The following RASGRF2 variants were observed in gnomAD, a reference collection of about 807,000 sequenced individuals.
The protein encoded by RASGRF2 is ras-specific guanine nucleotide-releasing factor 2.
In RASGRF2, 76 loss-of-function variants were observed where a neutral mutation model predicts 151.0. That is an observed-to-expected ratio of 0.50 (90% CI 0.42 to 0.61). The LOEUF is 0.61. Among genes scored for constraint, RASGRF2 ranks in the 20% least tolerant of loss-of-function variants. The pLI is 0.00. For synonymous variants in RASGRF2, 504 were observed against 566.5 expected (o/e 0.89, Z 1.57); for missense variants, 1,148 against 1,564.6 (o/e 0.73, Z 4.49).
intron 17 of RASGRF2, among the ~76,000 whole-genome samples, chr5:81,136,205 C>T (rs1335886092): frequency 6.6e-6 from 1 of 152,046 alleles, no homozygotes; most frequent in African/African-American, 2.4e-5. Flanking sequence ...AAAAGATTTT[C>T]CTTTATCTTC....
Position 80,984,453 on chromosome 5 carries a change from A to G in RASGRF2, c.288+23427A>G, listed in dbSNP as rs181086114. 5.2e-4 allele frequency among the ~76,000 whole-genome samples: 79 copies of G among 152,338 alleles called. 1 individual carries two copies. The highest frequency in any genetic ancestry group is 3.4e-3 in the Middle Eastern group (1 of 294). Reference sequence around the variant, plus strand: ...TGACACCTAAGCTATAATTTAATTGATGTAAACTCTTACTTTTAAATAAAG... The same window carrying G: ...TGACACCTAAGCTATAATTTAATTGGTGTAAACTCTTACTTTTAAATAAAG... On this transcript the variant is annotated intron_variant, in intron 1 of 26. Transcript: ENST00000265080.
chr5:81,110,069 C>T (rs1346305881), intron 13 of RASGRF2, among the ~76,000 whole-genome samples: 1 of 152,042 alleles, frequency 6.6e-6, no homozygotes, highest in Admixed American at 6.6e-5. Context: ...TCTATTCTTC[C>T]CTGAAGTTTG....
intron 17 of RASGRF2, among the ~76,000 whole-genome samples, chr5:81,138,854 C>G (rs1388107830): frequency 6.6e-6 from 1 of 151,986 alleles, no homozygotes; most frequent in Non-Finnish European, 1.5e-5. Flanking sequence ...GATTTTCAGG[C>G]TATTTCATTC....
At chr5:80,988,518 T>C (rs771527930) in intron 1 of RASGRF2, among the ~76,000 whole-genome samples, 3 of 152,192 alleles carry the variant, frequency 2.0e-5, no homozygotes, top group Non-Finnish European at 2.9e-5. Context: ...AATTGATGTA[T>C]ATAGTCCAGG....
rs1323253055 is a variant in RASGRF2 at position 81,134,105 on chromosome 5, TGTGTGA to T, written c.2686+6946_2686+6951del. Among the ~76,000 whole-genome samples, 53 of 151,562 alleles carry T rather than the reference TGTGTGA, an allele frequency of 3.5e-4. No individual in the cohort carries two copies. In the East Asian group the frequency reaches 7.8e-3, roughly 22 times the overall value. The stretch of plus-strand genomic sequence containing the variant: ...GTGTGTGTGTGTGTGTGTGTGTGTG[TGTGTGA>T]GTGAATATTTTACTGAGGTAATGTC... On this transcript the variant is annotated intron_variant, in intron 17 of 26. Coordinates refer to ENST00000265080, the MANE Select transcript of RASGRF2 (RefSeq NM_006909.3).
intron 13 of RASGRF2, 43 bp from the exon 14 acceptor site, chr5:81,112,567 C>T: frequency 6.2e-7 from 1 of 1,609,502 alleles, no homozygotes; most frequent in Non-Finnish European, 8.5e-7. Flanking sequence ...GAGGGGGAAG[C>T]CTCCTCCTGG....
intron 1 of RASGRF2, among the ~76,000 whole-genome samples, chr5:81,020,880 A>G (rs1749802875): frequency 6.6e-6 from 1 of 152,230 alleles, no homozygotes; most frequent in Admixed American, 6.5e-5. Flanking sequence ...CCTACGAGGT[A>G]CTTAGCATTG....
chr5:81,048,592 A>G (rs1441618754), intron 2 of RASGRF2, among the ~76,000 whole-genome samples: 1 of 152,194 alleles, frequency 6.6e-6, no homozygotes, highest in Non-Finnish European at 1.5e-5. Flanking sequence ...ATCCAGCTGA[A>G]AAGGCAGTCA....
At chr5:81,193,113 A>C (rs1362550645) in intron 18 of RASGRF2, among the ~76,000 whole-genome samples, 2 of 152,152 alleles carry the variant, frequency 1.3e-5, no homozygotes, top group African/African-American at 2.4e-5. Context: ...CACTGAGAAA[A>C]TTACTCTCAT....
chr5:81,050,992 GAT>G (rs1234079010), intron 2 of RASGRF2, among the ~76,000 whole-genome samples: 1 of 152,070 alleles, frequency 6.6e-6, no homozygotes, highest in East Asian at 1.9e-4. Context: ...GGTTAAAAAT[GAT>G]ATATTAGTAT....
rs1372418401 is a variant in RASGRF2 at position 81,206,864 on chromosome 5, C to T, written c.2926C>T (p.Gln976Ter). The change falls in exon 20 of 27, where the codon CAA becomes TAA. Residue 976 changes from glutamine (Q) to a stop codon, truncating the protein, a stop_gained. Transcript: ENST00000265080. LOFTEE classifies it high-confidence loss of function. Reference sequence around the variant, plus strand: ...TTTCAGGGCCCTTTCACAAGATGACCAAGATGACATCCACCTAAAATTAGA... The same window carrying T: ...TTTCAGGGCCCTTTCACAAGATGACTAAGATGACATCCACCTAAAATTAGA... ...NILRALSQDD[Q>*]DDIHLKLEDI... 1.9e-6 allele frequency: 3 copies of T among 1,610,716 alleles called. No homozygotes were observed. The Admixed American group carries it at 5.0e-5, about 27-fold the overall frequency.
At chr5:80,965,915 A>AT (rs1281143348) in intron 1 of RASGRF2, among the ~76,000 whole-genome samples, 2 of 152,086 alleles carry the variant, frequency 1.3e-5, no homozygotes, top group East Asian at 3.8e-4. Flanking sequence ...TATAATTTTA[A>AT]TTTTTTGGAA....
chr5:81,008,616 A>T (rs894968431), intron 1 of RASGRF2, among the ~76,000 whole-genome samples: 1 of 152,216 alleles, frequency 6.6e-6, no homozygotes, highest in African/African-American at 2.4e-5. Context: ...ACATACCAGC[A>T]TGACACTTTC....
intron 17 of RASGRF2, among the ~76,000 whole-genome samples, chr5:81,141,121 TGTGAGCCACCA>T (rs987498230): frequency 1.3e-5 from 2 of 152,232 alleles, no homozygotes; most frequent in African/African-American, 4.8e-5. Context: ...CACATTTGGC[TGTGAGCCACCA>T]GTGTGTGACC....
chr5:80,983,717 G>A lies in RASGRF2; in HGVS notation c.288+22691G>A, dbSNP rs112254738. On this transcript the variant is annotated intron_variant, in intron 1 of 26. Transcript: ENST00000265080. ...TTGAAATGTGACTAGTCCAAAATGAGATGTGCTTTGTGTATACTTACACAT... is the reference window on the plus strand; with the variant it reads ...TTGAAATGTGACTAGTCCAAAATGAAATGTGCTTTGTGTATACTTACACAT... Among the ~76,000 whole-genome samples the A allele has an allele frequency of 5.4e-3, 826 of 152,322 alleles. 5 individuals carry two copies. Among genetic ancestry groups the A allele is most frequent in the Non-Finnish European group, 7.0e-3 (474 of 68,026 alleles).
At chr5:81,186,703 A>C (rs1755034204) in intron 18 of RASGRF2, among the ~76,000 whole-genome samples, 1 of 152,076 alleles carries the variant, frequency 6.6e-6, no homozygotes, top group South Asian at 2.1e-4. Context: ...TCACAACCAC[A>C]CTCTAGTCAC....
intron 17 of RASGRF2, among the ~76,000 whole-genome samples, chr5:81,170,354 G>A (rs1020806719): frequency 6.6e-6 from 1 of 152,264 alleles, no homozygotes; most frequent in Non-Finnish European, 1.5e-5. Flanking sequence ...CAGACAATAT[G>A]ATTCCCTTGG....
In RASGRF2 at chr5:81,208,429, C is replaced by A; in HGVS notation, c.3147C>A (p.His1049Gln). The A allele has an allele frequency of 6.3e-7, 1 of 1,598,806 alleles. No homozygotes were observed. The highest frequency in any genetic ancestry group is 8.5e-7 in the Non-Finnish European group (1 of 1,170,328). The change falls in exon 22 of 27, where the codon CAC (histidine) becomes CAA (glutamine). Residue 1049 changes from histidine (H) to glutamine (Q), a missense_variant. Physicochemically the swap from His to Gln is conservative, Grantham distance 24. Around this residue, in one of 5 missense-constraint regions of RASGRF2, gnomAD observed 646 missense variants for 807.4 expected, o/e 0.80. Transcript: ENST00000265080. ...RTPYIMKTSQHFNDMSNLVAS... is the reference protein window; with the variant it reads ...RTPYIMKTSQQFNDMSNLVAS... ...CTTACATTATGAAAACCAGCCAACA[C>A]TTCAATGACGTGAGTAACCGTAACA...
intron 26 of RASGRF2, among the ~76,000 whole-genome samples, chr5:81,225,039 T>C (rs1159532761): frequency 1.3e-5 from 2 of 152,226 alleles, no homozygotes; most frequent in African/African-American, 4.8e-5. Context: ...AGAAATATTT[T>C]CATGAAAATC....
Sources: allele counts gnomAD v4.1 joint callset (sites outside exome capture counted in the v4.1 genomes callset), GRCh38; gene constraint gnomAD v4.1.1; regional missense constraint gnomAD v4.1.1; transcripts MANE v1.5; gene names NCBI Gene and HGNC (gene_info 2026-07-23, HGNC 2026-07-21).